CHCHD3: variants seen among roughly 807,000 people sequenced by gnomAD.
CHCHD3 encodes MICOS complex subunit MIC19.
In CHCHD3, 20 loss-of-function variants were observed where a neutral mutation model predicts 38.2. The observed-to-expected ratio is 0.52, with a 90% CI of 0.37 to 0.76. CHCHD3 has a LOEUF of 0.76. Ranked by LOEUF, CHCHD3 falls within the 30% of genes least tolerant of loss-of-function variation. CHCHD3 has a pLI of 0.00. For missense variants in CHCHD3, 245 were observed against 279.2 expected (o/e 0.88, Z 0.87); for synonymous variants, 82 against 100.0 (o/e 0.82, Z 1.07).
intron 3 of CHCHD3, among the ~76,000 whole-genome samples, chr7:132,988,826 G>GGAGA (rs1166399770): frequency 6.6e-6 from 1 of 152,024 alleles, no homozygotes; most frequent in African/African-American, 2.4e-5. Flanking sequence ...GGCTACAGCA[G>GGAGA]GAGAATCACT....
intron 5 of CHCHD3, among the ~76,000 whole-genome samples, chr7:132,841,064 C>A (rs1807927972): frequency 6.6e-6 from 1 of 152,054 alleles, no homozygotes; most frequent in Non-Finnish European, 1.5e-5. Context: ...TAAATCTTTC[C>A]AACAAAGAAA....
chr7:132,811,857 C>T (rs1807078873), intron 6 of CHCHD3, among the ~76,000 whole-genome samples: 1 of 152,148 alleles, frequency 6.6e-6, no homozygotes, highest in Non-Finnish European at 1.5e-5. Context: ...TCTCTCTCCC[C>T]TCTCTCCACA....
At chr7:132,922,241 A>G (rs955378155) in intron 4 of CHCHD3, among the ~76,000 whole-genome samples, 2 of 152,270 alleles carry the variant, frequency 1.3e-5, no homozygotes, top group South Asian at 2.1e-4. Flanking sequence ...GGGCGGGTAC[A>G]GCACAAGCAC....
chr7:132,833,104 CTTTG>C (rs1314298127), intron 6 of CHCHD3, among the ~76,000 whole-genome samples: 4 of 152,050 alleles, frequency 2.6e-5, no homozygotes, highest in Non-Finnish European at 4.4e-5. Flanking sequence ...TAAAATAATA[CTTTG>C]TTTAATTAAT....
At chr7:132,990,690 C>T (rs1349498423) in intron 3 of CHCHD3, among the ~76,000 whole-genome samples, 2 of 152,046 alleles carry the variant, frequency 1.3e-5, no homozygotes, top group Non-Finnish European at 2.9e-5. Context: ...ACAAGGGACA[C>T]GTTTTTGCCA....
chr7:132,984,187 C>A (rs989936428), intron 3 of CHCHD3, among the ~76,000 whole-genome samples: 3 of 151,596 alleles, frequency 2.0e-5, no homozygotes, highest in East Asian at 3.9e-4. Flanking sequence ...CTCAGCCTGC[C>A]GAGTGCCTGC....
chr7:133,030,182 A>G (rs916197964), intron 2 of CHCHD3, among the ~76,000 whole-genome samples: 3 of 152,192 alleles, frequency 2.0e-5, no homozygotes, highest in Admixed American at 1.3e-4. Context: ...AAAATAAACC[A>G]GTGAGGTAAT....
At chr7:132,847,139 TC>T (rs1462772030) in intron 5 of CHCHD3, 1 of 152,160 alleles carries the variant, frequency 6.6e-6, no homozygotes, top group African/African-American at 2.4e-5. Context: ...TATGCCCATG[TC>T]CTCAGGGTGG....
intron 4 of CHCHD3, among the ~76,000 whole-genome samples, chr7:132,941,416 A>G (rs1810763504): frequency 1.3e-5 from 2 of 151,990 alleles, no homozygotes; most frequent in South Asian, 4.2e-4. Flanking sequence ...AGCTCACAAC[A>G]ATGGCTTTCC....
At chr7:133,045,366 T>G (rs1813954732) in intron 2 of CHCHD3, among the ~76,000 whole-genome samples, 1 of 152,160 alleles carries the variant, frequency 6.6e-6, no homozygotes, top group Admixed American at 6.5e-5. Flanking sequence ...ACTCTAACAT[T>G]CTATTTCAGG....
intron 6 of CHCHD3, 37 bp from the exon 7 acceptor site, chr7:132,796,614 C>T: frequency 1.3e-6 from 2 of 1,584,562 alleles, no homozygotes; most frequent in Non-Finnish European, 1.7e-6. Flanking sequence ...GACCAATGGT[C>T]TTCATTCAGA....
At chr7:132,797,796 C>A (rs568764430) in intron 6 of CHCHD3, among the ~76,000 whole-genome samples, 1 of 151,900 alleles carries the variant, frequency 6.6e-6, no homozygotes. Flanking sequence ...ATGAGTTATA[C>A]GAATGAAGGT....
rs141641822 is a variant in CHCHD3 at position 133,041,284 on chromosome 7, A to G, written c.170-16657T>C. Among the ~76,000 whole-genome samples, 18 of 152,300 alleles carry G rather than the reference A, an allele frequency of 1.2e-4. No individual in the cohort carries two copies. The East Asian group carries it at 3.5e-3, about 29-fold the overall frequency. ...ATTACATTTTAGTTCCCATAAACCT[A>G]CTTTACCCAAATCCCTATATAAATA... On this transcript the variant is annotated intron_variant, in intron 2 of 7. Transcript: ENST00000262570.
At chr7:132,857,732 C>T (rs1009018467) in intron 5 of CHCHD3, among the ~76,000 whole-genome samples, 14 of 152,086 alleles carry the variant, frequency 9.2e-5, no homozygotes, top group Non-Finnish European at 1.5e-5. Flanking sequence ...TAGAGCTGAA[C>T]ATCTCTGGAT....
At chr7:132,973,975 G>C (rs528268456) in intron 4 of CHCHD3, 27 of 1,287,534 alleles carry the variant, frequency 2.1e-5, no homozygotes, top group Non-Finnish European at 2.7e-5. Context: ...CCGAAGTGGA[G>C]GCTAAGCAGT....
chr7:133,074,369 T>C (rs907679892), intron 1 of CHCHD3, among the ~76,000 whole-genome samples: 4 of 152,200 alleles, frequency 2.6e-5, no homozygotes, highest in Admixed American at 2.0e-4. Context: ...TACGACTCCC[T>C]TCTTGGAAGA....
At chr7:132,971,331 G>C (rs1258680537) in intron 4 of CHCHD3, among the ~76,000 whole-genome samples, 1 of 152,172 alleles carries the variant, frequency 6.6e-6, no homozygotes, top group African/African-American at 2.4e-5. Flanking sequence ...TCTGGATAAA[G>C]TCAACTGATT....
intron 3 of CHCHD3, among the ~76,000 whole-genome samples, chr7:133,014,093 C>T (rs1195431442): frequency 6.6e-6 from 1 of 151,946 alleles, no homozygotes; most frequent in East Asian, 1.9e-4. Context: ...ATCCAACAAC[C>T]CCATCAGGAA....
At chr7:132,896,311 A>G (rs1809494004) in intron 4 of CHCHD3, among the ~76,000 whole-genome samples, 1 of 152,234 alleles carries the variant, frequency 6.6e-6, no homozygotes, top group South Asian at 2.1e-4. Flanking sequence ...CTGAGATTCC[A>G]TTGACACAAA....
Sources: gnomAD v4.1 joint callset for allele counts (sites outside exome capture counted in the v4.1 genomes callset) on GRCh38, gnomAD v4.1.1 for gene constraint, MANE v1.5 for transcripts, NCBI Gene and HGNC (gene_info 2026-07-23, HGNC 2026-07-21) for gene names.